Variants in CIBAR2 observed in about 807,000 individuals in gnomAD.
CIBAR2 encodes CBY1-interacting BAR domain-containing protein 2.
CIBAR2 carries 38 observed loss-of-function variants against 36.2 expected under a neutral mutation model. That is an observed-to-expected ratio of 1.05 (90% CI 0.81 to 1.38). The LOEUF is 1.38. Among genes scored for constraint, CIBAR2 ranks in the 40% most tolerant of loss-of-function variants. The probability of loss-of-function intolerance (pLI) is 0.00; values close to 1 mark genes in which losing one functional copy is unlikely to be tolerated. For missense variants in CIBAR2, 481 were observed against 383.4 expected, an observed-to-expected ratio of 1.25 and a Z score of -2.13; for synonymous variants, 182 against 149.5, an observed-to-expected ratio of 1.22 and a Z score of -1.58.
At position 85,100,102 on chromosome 16, in the gene CIBAR2, A is replaced by G. The variant is rs374156071; in HGVS notation, c.753+37T>C. 10 of 1,539,080 alleles carry G rather than the reference A, an allele frequency of 6.5e-6. No individual in the cohort carries two copies. The African/African-American group carries it at 1.4e-4, about 21-fold the overall frequency. On this transcript the variant is annotated intron_variant, in intron 8 of 8. Coordinates refer to ENST00000539556, the MANE Select transcript of CIBAR2 (RefSeq NM_198491.3). Reference sequence around the variant, plus strand: ...ACGGGCCTTCCAGGCCGTGCACGACATTTTAGGTGTAACCCCTCACCCACC... The same window carrying G: ...ACGGGCCTTCCAGGCCGTGCACGACGTTTTAGGTGTAACCCCTCACCCACC...
intron 7 of CIBAR2, among the ~76,000 whole-genome samples, chr16:85,101,649 G>C (rs1176246737): frequency 6.6e-6 from 1 of 150,708 alleles, no homozygotes. Flanking sequence ...TTTTATTGTT[G>C]TTGATCCATT....
chr16:85,100,532 A>C lies in CIBAR2; in HGVS notation c.652-292T>G, dbSNP rs184973835. On this transcript the variant is annotated intron_variant, in intron 7 of 8. Coordinates refer to ENST00000539556, the MANE Select transcript of CIBAR2 (RefSeq NM_198491.3). ...TTCGAGATCCCCCTTTCCCCTAAAA[A>C]GAATATTGTGAAGTGAGTGAATGCG... Among the ~76,000 whole-genome samples the C allele has an allele frequency of 3.9e-3, 597 of 151,896 alleles. 2 individuals carry two copies. The highest frequency in any genetic ancestry group is 0.014 in the African/African-American group (578 of 41,316).
rs1454953184 is a variant in CIBAR2, at chr16:85,099,137, A to G, written c.*48T>C. 6.9e-7 allele frequency: 1 copy of G among 1,457,420 alleles called. No homozygotes were observed. The highest frequency in any genetic ancestry group is 9.1e-7 in the Non-Finnish European group (1 of 1,102,744). 90.3% of individuals were successfully genotyped at this position (1,457,420 alleles called of 1,614,324 possible). On this transcript the variant is annotated 3_prime_UTR_variant, in exon 9 of 9. Transcript: ENST00000539556. ...GAAAATAAGAACAAAGCCTCCAGGCAGTCTGGGATTATTTTAAACGGCTTG... is the reference window on the plus strand; with the variant it reads ...GAAAATAAGAACAAAGCCTCCAGGCGGTCTGGGATTATTTTAAACGGCTTG...
At chr16:85,109,961 G>T (rs2074027403) in intron 2 of CIBAR2, among the ~76,000 whole-genome samples, 1 of 152,128 alleles carries the variant, frequency 6.6e-6, no homozygotes, top group Non-Finnish European at 1.5e-5. Flanking sequence ...CTCCTTCGGG[G>T]GTTCATGGAG....
chr16:85,101,272 A>C (rs2073953386), intron 7 of CIBAR2, among the ~76,000 whole-genome samples: 1 of 151,908 alleles, frequency 6.6e-6, no homozygotes, highest in African/African-American at 2.4e-5. Context: ...AGATCTTAGT[A>C]ATTGTTGATA....
chr16:85,105,010 G>T (rs1254949168), intron 6 of CIBAR2, among the ~76,000 whole-genome samples: 2 of 152,240 alleles, frequency 1.3e-5, no homozygotes, highest in Admixed American at 1.3e-4. Flanking sequence ...GCCATCCTGT[G>T]TGAAGAGGAA....
At chr16:85,103,364 T>G (rs1482247175) in intron 6 of CIBAR2, among the ~76,000 whole-genome samples, 11 of 152,178 alleles carry the variant, frequency 7.2e-5, no homozygotes, top group African/African-American at 2.7e-4. Flanking sequence ...TCACCCAGCT[T>G]AAAGTGTTGT....
intron 1 of CIBAR2, 47 bp from the exon 2 acceptor site, chr16:85,110,507 GC>G: frequency 2.1e-6 from 3 of 1,419,214 alleles, no homozygotes; most frequent in Non-Finnish European, 1.9e-6. Flanking sequence ...GAGATGCAGG[GC>G]CCCGGTCATG....
intron 2 of CIBAR2, 144 bp from the exon 3 acceptor site, chr16:85,108,243 C>A: frequency 2.7e-6 from 2 of 735,502 alleles, no homozygotes; most frequent in East Asian, 2.7e-5. Context: ...CTCCCTTTTC[C>A]CGGTGTGTTG....
chr16:85,104,320 A>G (rs192747784), intron 6 of CIBAR2, among the ~76,000 whole-genome samples: 1 of 152,226 alleles, frequency 6.6e-6, no homozygotes, highest in African/African-American at 2.4e-5. Flanking sequence ...CCAGGGCTTC[A>G]GGAGCCTGGA....
rs58784543 is a variant in CIBAR2 at position 85,110,101 on chromosome 16, G to A, written c.255+125C>T. The A allele has an allele frequency of 6.5e-3, 4,286 of 660,294 alleles. 155 individuals are homozygous for A. In the African/African-American group the frequency reaches 0.072, roughly 11 times the overall value. 40.9% of individuals were successfully genotyped at this position (660,294 alleles called of 1,614,324 possible). A position where few individuals can be genotyped will look rare whatever the true frequency, so the allele number is the denominator to read the frequency against. ...AAGGGTGTAAATGTCCATTGTCGGTGGATGTCTCTGGAGACACACCCATTG... is the reference window on the plus strand; with the variant it reads ...AAGGGTGTAAATGTCCATTGTCGGTAGATGTCTCTGGAGACACACCCATTG... On this transcript the variant is annotated intron_variant, in intron 2 of 8. Transcript: ENST00000539556.
rs201149628 is a variant in CIBAR2 at position 85,102,306 on chromosome 16, T to C, written c.559A>G (p.Thr187Ala). The C allele has an allele frequency of 1.2e-6, 2 of 1,612,644 alleles. No individual in the cohort carries two copies. The highest frequency in any genetic ancestry group is 2.7e-5 in the African/African-American group (2 of 74,994). The change falls in exon 7 of 9, where the codon ACT (threonine) becomes GCT (alanine). Residue 187 changes from threonine (T) to alanine (A), a missense_variant. Transcript: ENST00000539556. ...DLQKFFCDFV[T>A]IEMVFHAKAV... is the part of the protein sequence containing the mutation. ...TTGGCATGGAAAACCATCTCAATAG[T>C]TACAAAGTCACAAAAAAATTTCTGT...
At chr16:85,104,474 A>G (rs1237694177) in intron 6 of CIBAR2, among the ~76,000 whole-genome samples, 2 of 152,182 alleles carry the variant, frequency 1.3e-5, no homozygotes, top group East Asian at 3.8e-4. Flanking sequence ...TTAGGAGGCC[A>G]AGGTGGGTGG....
In CIBAR2 at chr16:85,102,199, G is replaced by C. The variant is rs371477535; in HGVS notation, c.651+15C>G. On this transcript the variant is annotated intron_variant, in intron 7 of 8. Coordinates refer to ENST00000539556, the MANE Select transcript of CIBAR2 (RefSeq NM_198491.3). The stretch of plus-strand genomic sequence containing the variant: ...CCCACTCCACCATATAGGAAACGGG[G>C]TGTCTGTGACTCACCAGTAGATCCC... 3.4e-5 allele frequency: 48 copies of C among 1,406,296 alleles called. No homozygotes were observed. The highest frequency in any genetic ancestry group is 4.7e-5 in the Non-Finnish European group (47 of 992,576). 87.1% of individuals were successfully genotyped at this position (1,406,296 alleles called of 1,614,324 possible). A position where few individuals can be genotyped will look rare whatever the true frequency, so the allele number is the denominator to read the frequency against.
chr16:85,107,321 C>G (rs1450751924), intron 5 of CIBAR2, among the ~76,000 whole-genome samples: 1 of 152,140 alleles, frequency 6.6e-6, no homozygotes. Context: ...TCCCTTCCAC[C>G]TGCTGTGCCC....
rs62049956 is a variant in CIBAR2 at position 85,102,794 on chromosome 16, G to A, written c.538-467C>T. Among the ~76,000 whole-genome samples, 965 of 152,106 alleles carry A rather than the reference G, an allele frequency of 6.3e-3. 6 individuals carry two copies. Among genetic ancestry groups the A allele is most frequent in the Middle Eastern group, 0.031 (9 of 294 alleles). ...CGTTGAGAAGTTTCTGTGTATTCCC[G>A]CCTTGTTTCCTTAGATAAGCCAGTA... On this transcript the variant is annotated intron_variant, in intron 6 of 8. Coordinates refer to ENST00000539556, the MANE Select transcript of CIBAR2 (RefSeq NM_198491.3).
rs2074009182 is a variant in CIBAR2, at chr16:85,107,892, T to G, written c.380A>C (p.Lys127Thr). The G allele has an allele frequency of 6.2e-7, 1 of 1,614,180 alleles. No individual in the cohort carries two copies. Among genetic ancestry groups the G allele is most frequent in the Non-Finnish European group, 8.5e-7 (1 of 1,180,000 alleles). The change falls in exon 4 of 9, where the codon AAA (lysine) becomes ACA (threonine). Residue 127 changes from lysine (K) to threonine (T), a missense_variant. Lys to Thr is a moderately conservative substitution (Grantham distance 78, BLOSUM62 -1). Transcript: ENST00000539556. The part of the protein sequence containing the change: ...VQNHEIKQLE[K>T]LEKLRQKSPS... Reference sequence around the variant, plus strand: ...TGACTTCTGCCTCAGTTTCTCCAGTTTTTCCAGTTGTTTGATCTCATGATT... The same window carrying G: ...TGACTTCTGCCTCAGTTTCTCCAGTGTTTCCAGTTGTTTGATCTCATGATT...
chr16:85,109,363 G>A (rs1193154271), intron 2 of CIBAR2, among the ~76,000 whole-genome samples: 2 of 152,280 alleles, frequency 1.3e-5, no homozygotes, highest in Middle Eastern at 3.4e-3. Context: ...CTTACTGGGG[G>A]ACAGTTGTCA....
chr16:85,102,554 G>A (rs913954355), intron 6 of CIBAR2, among the ~76,000 whole-genome samples: 2 of 152,200 alleles, frequency 1.3e-5, no homozygotes, highest in African/African-American at 4.8e-5. Flanking sequence ...GCTTATGCCT[G>A]TAATCTCAGT....
Sources: allele counts gnomAD v4.1 joint callset (sites outside exome capture counted in the v4.1 genomes callset), GRCh38; gene constraint gnomAD v4.1.1; transcripts MANE v1.5; gene names NCBI Gene and HGNC (gene_info 2026-07-23, HGNC 2026-07-21).